NECAB1: variants seen among roughly 807,000 people sequenced by gnomAD.
The protein encoded by NECAB1 is N-terminal EF-hand calcium binding protein 1.
A neutral mutation model predicts 57.5 loss-of-function variants in NECAB1; 29 were observed. The ratio of observed to expected loss-of-function variants is 0.50; its 90% CI spans 0.38 to 0.69. The LOEUF (loss-of-function observed/expected upper bound fraction) is 0.69. Among genes scored for constraint, NECAB1 ranks in the 30% least tolerant of loss-of-function variants. NECAB1 has a pLI of 0.00. For missense variants in NECAB1, 372 were observed against 413.8 expected, an observed-to-expected ratio of 0.90 and a Z score of 0.88; for synonymous variants, 142 against 147.7, an observed-to-expected ratio of 0.96 and a Z score of 0.28.
intron 12 of NECAB1, among the ~76,000 whole-genome samples, chr8:90,955,025 A>T (rs1224546356): frequency 6.8e-6 from 1 of 146,056 alleles, no homozygotes; most frequent in African/African-American, 2.5e-5. Flanking sequence ...ATGTATATAC[A>T]TATATAAATG....
chr8:90,925,310 C>T (rs575522814), intron 6 of NECAB1, among the ~76,000 whole-genome samples: 15 of 152,312 alleles, frequency 9.8e-5, no homozygotes, highest in African/African-American at 3.4e-4. Context: ...ACAATTTTTA[C>T]TCAGAATTTT....
intron 5 of NECAB1, among the ~76,000 whole-genome samples, chr8:90,905,106 A>G (rs1229681008): frequency 6.6e-6 from 1 of 152,228 alleles, no homozygotes; most frequent in African/African-American, 2.4e-5. Context: ...CAGCACTTAC[A>G]AATTGAAAAA....
chr8:90,921,312 G>A (rs986027940), intron 6 of NECAB1, among the ~76,000 whole-genome samples: 3 of 151,988 alleles, frequency 2.0e-5, no homozygotes, highest in Non-Finnish European at 1.5e-5. Flanking sequence ...ACCACTCCCA[G>A]CCAATTCATC....
intron 1 of NECAB1, among the ~76,000 whole-genome samples, chr8:90,793,267 A>G (rs192269665): frequency 8.5e-5 from 13 of 152,286 alleles, no homozygotes; most frequent in African/African-American, 3.1e-4. Context: ...CCTATCAATA[A>G]TTCAAACTGT....
chr8:90,878,898 A>G (rs1238018443), intron 4 of NECAB1, among the ~76,000 whole-genome samples: 3 of 148,706 alleles, frequency 2.0e-5, no homozygotes, highest in African/African-American at 5.0e-5. Flanking sequence ...TTTTAAAAAG[A>G]GGCTTTACCT....
intron 1 of NECAB1, among the ~76,000 whole-genome samples, chr8:90,792,646 A>T (rs374887417): frequency 4.7e-4 from 72 of 152,208 alleles, no homozygotes; most frequent in African/African-American, 1.5e-3. Flanking sequence ...CCTTTGGTCC[A>T]ATTTCTCACT....
chr8:90,920,910 G>A (rs1468090723), intron 6 of NECAB1, among the ~76,000 whole-genome samples: 1 of 152,174 alleles, frequency 6.6e-6, no homozygotes, highest in East Asian at 1.9e-4. Context: ...CTACACAGGA[G>A]CAGTTGGTGA....
intron 10 of NECAB1, among the ~76,000 whole-genome samples, chr8:90,942,259 A>G (rs928625855): frequency 1.3e-5 from 2 of 152,120 alleles, no homozygotes; most frequent in Admixed American, 1.3e-4. Context: ...GCTCAGCACA[A>G]TGCTTCCCAT....
chr8:90,954,706 C>T (rs1277107423), intron 12 of NECAB1, among the ~76,000 whole-genome samples: 1 of 151,256 alleles, frequency 6.6e-6, no homozygotes, highest in Admixed American at 6.6e-5. Context: ...TTATAACCTA[C>T]TTGCTTATAC....
chr8:90,846,087 A>G (rs1435772636), intron 3 of NECAB1, among the ~76,000 whole-genome samples: 1 of 152,178 alleles, frequency 6.6e-6, no homozygotes, highest in Non-Finnish European at 1.5e-5. Flanking sequence ...CACAAATGAT[A>G]CCTAATTACC....
At chr8:90,826,539 T>G (rs929720728) in intron 3 of NECAB1, among the ~76,000 whole-genome samples, 1 of 151,930 alleles carries the variant, frequency 6.6e-6, no homozygotes, top group Non-Finnish European at 1.5e-5. Flanking sequence ...CCCTTGCGGC[T>G]TAGGTGTTGG....
intron 9 of NECAB1, 195 bp from the exon 10 acceptor site, chr8:90,940,591 G>C (rs1563543174): frequency 3.9e-6 from 2 of 509,256 alleles, no homozygotes; most frequent in South Asian, 3.2e-5. Context: ...TCTGGGACTA[G>C]AGGCAAGGAA....
At chr8:90,880,772 T>C (rs565817828) in intron 4 of NECAB1, among the ~76,000 whole-genome samples, 2 of 152,294 alleles carry the variant, frequency 1.3e-5, no homozygotes, top group African/African-American at 4.8e-5. Context: ...TAGATTCAGA[T>C]TTATTTTTTC....
intron 3 of NECAB1, among the ~76,000 whole-genome samples, chr8:90,849,794 C>T (rs908771998): frequency 9.5e-5 from 14 of 147,312 alleles, no homozygotes; most frequent in Admixed American, 2.1e-4. Flanking sequence ...TCCAGGTTCA[C>T]GCCATTCTCC....
chr8:90,812,789 A>C (rs4236840), intron 2 of NECAB1: 83,024 of 151,978 alleles, frequency 0.55, 26,048 homozygotes, highest in East Asian at 0.85. Context: ...CAGTTTCCTT[A>C]CCCTCCTGAA....
chr8:90,864,312 C>A (rs1437872379), intron 3 of NECAB1, among the ~76,000 whole-genome samples: 5 of 101,110 alleles, frequency 4.9e-5, no homozygotes, highest in African/African-American at 1.7e-4. Flanking sequence ...AGGAAGGAAG[C>A]AAAGGTGGAA....
chr8:90,868,087 T>G (rs75391924), intron 3 of NECAB1, among the ~76,000 whole-genome samples: 2 of 76,172 alleles, frequency 2.6e-5, no homozygotes, highest in Non-Finnish European at 5.2e-5. Context: ...CTCTCTCTCT[T>G]TCTCCTGCTC....
intron 8 of NECAB1, among the ~76,000 whole-genome samples, chr8:90,929,507 C>T (rs1176743617): frequency 6.6e-6 from 1 of 152,094 alleles, no homozygotes; most frequent in Non-Finnish European, 1.5e-5. Flanking sequence ...TCTGAAGTTA[C>T]CTCCACTGCA....
intron 2 of NECAB1, among the ~76,000 whole-genome samples, chr8:90,823,237 A>G (rs1439595104): frequency 6.6e-6 from 1 of 151,858 alleles, no homozygotes; most frequent in Non-Finnish European, 1.5e-5. Flanking sequence ...ATCTGGATTT[A>G]TTCTACCTCT....
Sources: allele counts gnomAD v4.1 joint callset (sites outside exome capture counted in the v4.1 genomes callset), GRCh38; gene constraint gnomAD v4.1.1; transcripts MANE v1.5; gene names NCBI Gene and HGNC (gene_info 2026-07-23, HGNC 2026-07-21).